Variants in LRRC49 observed in about 807,000 individuals in gnomAD.
LRRC49 encodes leucine rich repeat containing 49.
In LRRC49, 50 loss-of-function variants were observed where a neutral mutation model predicts 83.3. The ratio of observed to expected loss-of-function variants is 0.60; its 90% CI spans 0.48 to 0.76. The LOEUF (loss-of-function observed/expected upper bound fraction) is 0.76. LRRC49 is among the 30% of genes least tolerant of loss of function. The pLI is 0.00. For missense variants in LRRC49, 704 were observed against 809.1 expected (o/e 0.87, Z 1.58); for synonymous variants, 286 against 283.3 (o/e 1.01, Z -0.10).
intron 2 of LRRC49, among the ~76,000 whole-genome samples, chr15:70,883,121 GTC>G (rs2033309222): frequency 6.6e-6 from 1 of 151,882 alleles, no homozygotes; most frequent in African/African-American, 2.4e-5. Flanking sequence ...ATGAATTCTG[GTC>G]AGCCAGAATG....
chr15:70,981,546 G>C lies in LRRC49; in HGVS notation c.1005+1362G>C, dbSNP rs149086528. Among the ~76,000 whole-genome samples the C allele has an allele frequency of 1.5e-3, 232 of 151,928 alleles. 1 individual carries two copies. The highest frequency in any genetic ancestry group is 0.013 in the East Asian group (66 of 5,166). On this transcript the variant is annotated intron_variant, in intron 10 of 15. Coordinates refer to ENST00000260382, the MANE Select transcript of LRRC49 (RefSeq NM_017691.5). Reference sequence around the variant, plus strand: ...TAAAAAAAAGAAAATGGAATGGATTGGTTACAGGAAGAGTGTATAGATACT... The same window carrying C: ...TAAAAAAAAGAAAATGGAATGGATTCGTTACAGGAAGAGTGTATAGATACT...
At chr15:70,950,801 G>T (rs1192912570) in intron 8 of LRRC49, among the ~76,000 whole-genome samples, 1 of 152,056 alleles carries the variant, frequency 6.6e-6, no homozygotes, top group African/African-American at 2.4e-5. Context: ...TTGTTGCATT[G>T]TTTTTGAAGA....
chr15:70,963,905 G>A lies in LRRC49; in HGVS notation c.894G>A (p.Leu298=). Residue 298 remains leucine (L), a synonymous_variant, in exon 9 of 16, where the codon CTG becomes CTA. Coordinates refer to ENST00000260382, the MANE Select transcript of LRRC49 (RefSeq NM_017691.5). ...CTGTCCTTCAGAATATGATGCAGCT[G>A]CGCCAGCTAGATATGAAGAGAATCA... is the stretch of plus-strand genomic sequence containing the variant. ...KHTVLQNMMQ[L]RQLDMKRITE... is the part of the protein sequence containing the mutation. The A allele has an allele frequency of 6.2e-7, 1 of 1,613,272 alleles. No homozygotes were observed. Among genetic ancestry groups the A allele is most frequent in the Non-Finnish European group, 8.5e-7 (1 of 1,179,506 alleles).
upstream of LRRC49, chr15:70,892,519 G>C: frequency 6.6e-7 from 1 of 1,521,396 alleles, no homozygotes; most frequent in Non-Finnish European, 8.8e-7. Flanking sequence ...ACAAGCAGAG[G>C]GATACAAATT....
chr15:70,999,137 T>C (rs1042171592), intron 11 of LRRC49, among the ~76,000 whole-genome samples: 7 of 152,244 alleles, frequency 4.6e-5, no homozygotes, highest in Non-Finnish European at 1.0e-4. Flanking sequence ...CTTAAAAGTT[T>C]TTGTCTAGTA....
intron 8 of LRRC49, among the ~76,000 whole-genome samples, chr15:70,963,146 C>T (rs1219791006): frequency 6.6e-6 from 1 of 151,530 alleles, no homozygotes; most frequent in Non-Finnish European, 1.5e-5. Context: ...CATGATGGTA[C>T]ATACCTGTAG....
intron 15 of LRRC49, among the ~76,000 whole-genome samples, chr15:71,038,236 A>G (rs1596172225): frequency 6.6e-6 from 1 of 152,204 alleles, no homozygotes; most frequent in Admixed American, 6.5e-5. Context: ...ATCTCTAGAT[A>G]TATAGATATA....
intron 3 of LRRC49, among the ~76,000 whole-genome samples, chr15:70,896,713 A>G (rs1296968202): frequency 6.6e-6 from 1 of 152,196 alleles, no homozygotes; most frequent in African/African-American, 2.4e-5. Context: ...TTAGGAGTTT[A>G]TATGAGAGGG....
chr15:70,872,380 C>G (rs1381298832), intron 1 of LRRC49, among the ~76,000 whole-genome samples: 1 of 150,470 alleles, frequency 6.6e-6, no homozygotes, highest in Middle Eastern at 3.4e-3. Context: ...CAGAGGGAGA[C>G]CGCGGAAAGT....
chr15:70,956,051 C>T (rs751889210), intron 8 of LRRC49, among the ~76,000 whole-genome samples: 3 of 152,124 alleles, frequency 2.0e-5, no homozygotes, highest in African/African-American at 4.8e-5. Context: ...TTTCAGAGAT[C>T]ATGGTACCTT....
At chr15:70,983,793 G>T (rs2037490698) in intron 10 of LRRC49, among the ~76,000 whole-genome samples, 1 of 152,008 alleles carries the variant, frequency 6.6e-6, no homozygotes, top group African/African-American at 2.4e-5. Flanking sequence ...TAAAACTTCA[G>T]ATTTTGAATT....
rs552622501 is a variant in LRRC49 at position 70,859,028 on chromosome 15, A to C, written c.-299+5559A>C. On this transcript the variant is annotated intron_variant, in intron 1 of 16. Transcript: ENST00000544974. Reference sequence around the variant, plus strand: ...CCTCAACAACAAGTTTGCCTCCTTCATAGACAAGGTATGGTTCCTGGAGCA... The same window carrying C: ...CCTCAACAACAAGTTTGCCTCCTTCCTAGACAAGGTATGGTTCCTGGAGCA... The C allele has an allele frequency of 6.7e-5, 88 of 1,303,802 alleles. 1 individual carries two copies. In the South Asian group the frequency reaches 9.9e-4, roughly 15 times the overall value. The allele number at this position is 1,303,802 out of a possible 1,614,324, so 80.8% of individuals were successfully genotyped here.
chr15:71,003,956 C>G (rs950059615), intron 11 of LRRC49, among the ~76,000 whole-genome samples: 3 of 152,160 alleles, frequency 2.0e-5, no homozygotes, highest in Non-Finnish European at 2.9e-5. Context: ...ATGTCCTCCA[C>G]AAAGTTGATT....
chr15:70,914,726 T>G (rs967888985), intron 6 of LRRC49, among the ~76,000 whole-genome samples: 80 of 152,358 alleles, frequency 5.3e-4, no homozygotes, highest in African/African-American at 1.9e-3. Flanking sequence ...TCTCAGTGAA[T>G]TTTTGCTTTA....
At chr15:70,970,555 G>T (rs1204645458) in intron 9 of LRRC49, among the ~76,000 whole-genome samples, 3 of 152,052 alleles carry the variant, frequency 2.0e-5, no homozygotes, top group Non-Finnish European at 4.4e-5. Flanking sequence ...TTTCAGAAGG[G>T]ATGCTACCTG....
At chr15:70,875,673 T>C (rs1032334405) in intron 2 of LRRC49, among the ~76,000 whole-genome samples, 2 of 152,244 alleles carry the variant, frequency 1.3e-5, no homozygotes, top group African/African-American at 2.4e-5. Context: ...TATTGTAATC[T>C]TCTCAACAGA....
chr15:70,855,854 C>A (rs546099886), intron 1 of LRRC49, among the ~76,000 whole-genome samples: 3 of 152,208 alleles, frequency 2.0e-5, no homozygotes, highest in East Asian at 3.8e-4. Context: ...CTTTTTCCAG[C>A]CAGCTGTGCC....
At chr15:70,871,896 C>G (rs1264860882) in intron 1 of LRRC49, among the ~76,000 whole-genome samples, 2 of 150,316 alleles carry the variant, frequency 1.3e-5, no homozygotes, top group African/African-American at 4.9e-5. Flanking sequence ...GGAAGAGGCG[C>G]TCCTTACTTC....
upstream of LRRC49, among the ~76,000 whole-genome samples, chr15:70,887,998 C>T (rs2033455475): frequency 6.6e-6 from 1 of 151,980 alleles, no homozygotes; most frequent in African/African-American, 2.4e-5. Flanking sequence ...TATGTAAGAC[C>T]TCTACATCAA....
Sources: gnomAD v4.1 joint callset for allele counts (sites outside exome capture counted in the v4.1 genomes callset) on GRCh38, gnomAD v4.1.1 for gene constraint, MANE v1.5 for transcripts, NCBI Gene and HGNC (gene_info 2026-07-23, HGNC 2026-07-21) for gene names.